LGR5: variants seen among roughly 807,000 people sequenced by gnomAD.
LGR5 encodes the protein leucine rich repeat containing G protein-coupled receptor 5, also known as leucine-rich repeat-containing G protein-coupled receptor 5.
LGR5 carries 54 observed loss-of-function variants against 76.7 expected under a neutral mutation model. That is an observed-to-expected ratio of 0.70 (90% CI 0.57 to 0.88). The LOEUF is 0.88. Ranked by LOEUF, LGR5 falls within the 40% of genes least tolerant of loss-of-function variation. The pLI is 0.00. For synonymous variants in LGR5, 406 were observed against 421.9 expected, an observed-to-expected ratio of 0.96 and a Z score of 0.46; for missense variants, 1,078 against 1,073.3, an observed-to-expected ratio of 1.00 and a Z score of -0.06.
chr12:71,544,077 A>C (rs1877016549), intron 4 of LGR5, among the ~76,000 whole-genome samples: 6 of 152,168 alleles, frequency 3.9e-5, no homozygotes, highest in Admixed American at 3.9e-4. Context: ...ATTTGACTTT[A>C]AAATATATTC....
chr12:71,439,693 T>C (rs1371025553), upstream of LGR5: 2 of 198,590 alleles, frequency 1.0e-5, no homozygotes, highest in South Asian at 8.9e-5. Context: ...GGAGGGAAAG[T>C]GGGGCCGGGC....
chr12:71,572,934 T>C lies in LGR5; in HGVS notation c.1208+13T>C. ...GCCTCCGATCGCTGTGAGTATCACCTCCCAGTGCGTTCCCCAGCACAGAGC... is the reference window on the plus strand; with the variant it reads ...GCCTCCGATCGCTGTGAGTATCACCCCCCAGTGCGTTCCCCAGCACAGAGC... On this transcript the variant is annotated intron_variant, in intron 13 of 17. Transcript: ENST00000266674. 6.2e-7 allele frequency: 1 copy of C among 1,600,060 alleles called. No homozygotes were observed. Among genetic ancestry groups the C allele is most frequent in the Non-Finnish European group, 8.6e-7 (1 of 1,167,200 alleles).
At chr12:71,499,652 G>A (rs1874503317) in intron 1 of LGR5, among the ~76,000 whole-genome samples, 2 of 152,248 alleles carry the variant, frequency 1.3e-5, no homozygotes, top group African/African-American at 2.4e-5. Flanking sequence ...CCTGCACAGA[G>A]TCTCCTTCAT....
chr12:71,581,020 G>T (rs1171235531), intron 16 of LGR5, among the ~76,000 whole-genome samples: 2 of 152,150 alleles, frequency 1.3e-5, no homozygotes, highest in Middle Eastern at 3.2e-3. Flanking sequence ...GTCCTCAGGG[G>T]TGATTACTGA....
At chr12:71,537,788 G>T (rs551158849) in intron 4 of LGR5, among the ~76,000 whole-genome samples, 1 of 152,182 alleles carries the variant, frequency 6.6e-6, no homozygotes, top group African/African-American at 2.4e-5. Flanking sequence ...TAGCCTCTGT[G>T]CTTCCGTATC....
At chr12:71,536,195 A>G (rs746527393) in intron 4 of LGR5, among the ~76,000 whole-genome samples, 3 of 152,244 alleles carry the variant, frequency 2.0e-5, no homozygotes, top group Admixed American at 2.0e-4. Flanking sequence ...ATATTGATAA[A>G]TATTGTGGAC....
chr12:71,464,278 TG>T (rs1335717665), intron 1 of LGR5, among the ~76,000 whole-genome samples: 3 of 152,222 alleles, frequency 2.0e-5, no homozygotes, highest in Middle Eastern at 3.4e-3. Context: ...ACATAATAAG[TG>T]CCAAGTAATA....
intron 1 of LGR5, among the ~76,000 whole-genome samples, chr12:71,471,873 T>C (rs1291524750): frequency 6.6e-6 from 1 of 152,204 alleles, no homozygotes; most frequent in African/African-American, 2.4e-5. Flanking sequence ...TCATTATTAC[T>C]AAAAGAGTAT....
chr12:71,561,922 T>C (rs1878080069), intron 8 of LGR5, 70 bp downstream of exon 8: 2 of 917,822 alleles, frequency 2.2e-6, no homozygotes, highest in Admixed American at 2.5e-5. Flanking sequence ...TGAAATACAA[T>C]GAATATTCTA....
In LGR5 at chr12:71,553,076, T is replaced by C. The variant is rs1877572175; in HGVS notation, c.432T>C (p.Arg144=). 1.9e-6 allele frequency: 3 copies of C among 1,613,836 alleles called. No individual in the cohort carries two copies. The Admixed American group carries it at 5.0e-5, about 27-fold the overall frequency. ...LQNLRSLQSL[R]LDANHISYVP... ...TCTTGCTTTCTTTCTTCCACAGGCG[T>C]CTGGATGCTAACCACATCAGCTATG... is the stretch of plus-strand genomic sequence containing the variant. The change falls in exon 5 of 18, where the codon CGT becomes CGC. Residue 144 remains arginine, a synonymous_variant. Coordinates refer to ENST00000266674, the MANE Select transcript of LGR5 (RefSeq NM_003667.4).
chr12:71,446,740 C>A (rs1872012285), intron 1 of LGR5, among the ~76,000 whole-genome samples: 1 of 152,104 alleles, frequency 6.6e-6, no homozygotes, highest in Non-Finnish European at 1.5e-5. Context: ...GCCCTAATAC[C>A]AGAAATATTT....
At chr12:71,580,722 C>T (rs1436461080) in intron 16 of LGR5, among the ~76,000 whole-genome samples, 3 of 151,948 alleles carry the variant, frequency 2.0e-5, no homozygotes, top group Admixed American at 1.3e-4. Flanking sequence ...CGCTTCAACC[C>T]GGGAGGCAGG....
At chr12:71,545,353 T>G (rs1168018788) in intron 4 of LGR5, among the ~76,000 whole-genome samples, 1 of 151,952 alleles carries the variant, frequency 6.6e-6, no homozygotes, top group Non-Finnish European at 1.5e-5. Flanking sequence ...CTGGGGAGGC[T>G]GAGATGGAAG....
chr12:71,457,804 C>G (rs1329572724), intron 1 of LGR5, among the ~76,000 whole-genome samples: 1 of 152,150 alleles, frequency 6.6e-6, no homozygotes, highest in African/African-American at 2.4e-5. Flanking sequence ...TTGTTGGAGG[C>G]AGTTGCCTGT....
chr12:71,466,603 C>T lies in LGR5; in HGVS notation c.212+26311C>T, dbSNP rs538837011. Among the ~76,000 whole-genome samples, 46 of 151,486 alleles carry T rather than the reference C, an allele frequency of 3.0e-4. No homozygotes were observed. In the South Asian group the frequency reaches 7.9e-3, roughly 26 times the overall value. ...GATTCTTCACGATCATACTATTTTG[C>T]AGTTAGATTCCCTGCCAAAAAAAAT... On this transcript the variant is annotated intron_variant, in intron 1 of 17. Transcript: ENST00000266674.
At chr12:71,576,671 T>C (rs1027617902) in intron 13 of LGR5, among the ~76,000 whole-genome samples, 3 of 152,156 alleles carry the variant, frequency 2.0e-5, no homozygotes, top group Non-Finnish European at 4.4e-5. Context: ...CCTTTGAACA[T>C]ATAAATTCTC....
At chr12:71,464,845 G>C (rs1294290688) in intron 1 of LGR5, among the ~76,000 whole-genome samples, 1 of 152,088 alleles carries the variant, frequency 6.6e-6, no homozygotes, top group African/African-American at 2.4e-5. Flanking sequence ...GTTTTCCTGG[G>C]AAGCAGACTT....
chr12:71,582,406 C>T, intron 16 of LGR5, 50 bp from the exon 17 acceptor site: 1 of 1,484,734 alleles, frequency 6.7e-7, no homozygotes, highest in South Asian at 1.1e-5. Context: ...GGATTTGGTC[C>T]CTTGAAAAGA....
At chr12:71,514,962 T>C (rs1392479268) in intron 2 of LGR5, among the ~76,000 whole-genome samples, 1 of 152,228 alleles carries the variant, frequency 6.6e-6, no homozygotes, top group Non-Finnish European at 1.5e-5. Flanking sequence ...GTCATGATTC[T>C]TATATCCAAG....
Sources: allele counts gnomAD v4.1 joint callset (sites outside exome capture counted in the v4.1 genomes callset), GRCh38; gene constraint gnomAD v4.1.1; transcripts MANE v1.5; gene names NCBI Gene and HGNC (gene_info 2026-07-23, HGNC 2026-07-21).